BAZ2B: variants seen among roughly 807,000 people sequenced by gnomAD.
The protein encoded by BAZ2B is bromodomain adjacent to zinc finger domain 2B.
In BAZ2B, 91 loss-of-function variants were observed where a neutral mutation model predicts 246.0. That is an observed-to-expected ratio of 0.37 (90% CI 0.31 to 0.44). The LOEUF (loss-of-function observed/expected upper bound fraction) is 0.44, where lower values mean the gene tolerates loss of function less well. Among genes scored for constraint, BAZ2B ranks in the 20% least tolerant of loss-of-function variants. The probability of loss-of-function intolerance (pLI) is 1.00; values close to 1 mark genes in which losing one functional copy is unlikely to be tolerated. For synonymous variants in BAZ2B, 855 were observed against 860.0 expected (o/e 0.99, Z 0.10); for missense variants, 2,332 against 2,533.7 (o/e 0.92, Z 1.71).
At position 159,433,046 on chromosome 2, in the gene BAZ2B, C is replaced by T. The variant is rs1453159398; in HGVS notation, c.1611G>A (p.Leu537=). The part of the protein sequence containing the change: ...SSTPFSSPVN[L]STSGRRTPGN... ...CAGGGGTTCTTCTCCCACTTGTACT[C>T]AGATTTACAGGTGAGGAAAAAGGGG... Residue 537 remains leucine (L), a synonymous_variant, in exon 9 of 37, where the codon CTG becomes CTA. Transcript: ENST00000392783. The T allele has an allele frequency of 3.0e-5, 48 of 1,614,050 alleles. No individual in the cohort carries two copies. The highest frequency in any genetic ancestry group is 3.9e-5 in the Non-Finnish European group (46 of 1,180,036).
chr2:159,708,919 A>G, the BAZ2B span, among the ~76,000 whole-genome samples: 9 of 152,284 alleles, frequency 5.9e-5, no homozygotes, highest in African/African-American at 2.2e-4. Flanking sequence ...CTAATCCAGT[A>G]GAAGTCAACC....
At chr2:159,539,052 C>T (rs999147233) in intron 2 of BAZ2B, among the ~76,000 whole-genome samples, 2 of 152,178 alleles carry the variant, frequency 1.3e-5, no homozygotes, top group East Asian at 1.9e-4. Flanking sequence ...TGCTTCAAAA[C>T]GCAGGGGGCG....
chr2:159,529,252 C>T (rs1187915253), intron 2 of BAZ2B, among the ~76,000 whole-genome samples: 1 of 151,846 alleles, frequency 6.6e-6, no homozygotes, highest in Non-Finnish European at 1.5e-5. Context: ...ACCAAAACTA[C>T]TTTGGGTACC....
At chr2:159,686,202 G>T in the BAZ2B span, among the ~76,000 whole-genome samples, 2 of 152,068 alleles carry the variant, frequency 1.3e-5, no homozygotes, top group Non-Finnish European at 2.9e-5. Context: ...GGAGTTCAAG[G>T]CTACATTGAG....
At chr2:159,326,228 G>A (rs2063696546) in intron 34 of BAZ2B, among the ~76,000 whole-genome samples, 1 of 152,096 alleles carries the variant, frequency 6.6e-6, no homozygotes, top group Non-Finnish European at 1.5e-5. Flanking sequence ...ACTTGAATGA[G>A]TTTAAAGATA....
In BAZ2B at chr2:159,438,663, T is replaced by C. The variant is rs758714004; in HGVS notation, c.933A>G (p.Ala311=). ...VLLHGISDPK[A]DGQKATEKAQ... ...CTTTTTCAGTTGCTTTCTGTCCATC[T>C]GCTTTTGGGTCTGAAATACCATGTA... Residue 311 remains alanine, a synonymous_variant, in exon 8 of 37, where the codon GCA becomes GCG. Transcript: ENST00000392783. 4 of 1,610,206 alleles carry C rather than the reference T, an allele frequency of 2.5e-6. No homozygotes were observed. The South Asian group carries it at 4.4e-5, about 18-fold the overall frequency.
intron 20 of BAZ2B, among the ~76,000 whole-genome samples, chr2:159,392,366 G>A (rs189431540): frequency 2.0e-5 from 3 of 150,216 alleles, no homozygotes; most frequent in Admixed American, 1.3e-4. Context: ...TTTTTTTATC[G>A]TTCCCACAAC....
At chr2:159,370,139 G>A (rs1048486787) in intron 27 of BAZ2B, among the ~76,000 whole-genome samples, 1 of 152,098 alleles carries the variant, frequency 6.6e-6, no homozygotes, top group Non-Finnish European at 1.5e-5. Context: ...TTGGACACAG[G>A]AAGGGGAACA....
intron 2 of BAZ2B, among the ~76,000 whole-genome samples, chr2:159,534,734 G>A (rs1055373033): frequency 7.2e-5 from 11 of 151,902 alleles, no homozygotes; most frequent in African/African-American, 1.7e-4. Context: ...AGCCTCCCGC[G>A]TAGCTGGGAC....
the BAZ2B span, among the ~76,000 whole-genome samples, chr2:159,704,880 T>C: frequency 1.3e-5 from 2 of 151,812 alleles, no homozygotes; most frequent in Non-Finnish European, 2.9e-5. Context: ...TTTTTTGTAT[T>C]TTTAATAGAG....
rs1575883994 is a variant in BAZ2B at position 159,349,139 on chromosome 2, A to G, written c.5005T>C (p.Leu1669=). 2 of 1,614,104 alleles carry G rather than the reference A, an allele frequency of 1.2e-6. No individual in the cohort carries two copies. Among genetic ancestry groups the G allele is most frequent in the Non-Finnish European group, 1.7e-6 (2 of 1,179,994 alleles). Reference sequence around the variant, plus strand: ...TTACTTGAAGCAACATTGGAAGTCAAGAATGAATTACCATTTCCTTCTGAT... The same window carrying G: ...TTACTTGAAGCAACATTGGAAGTCAGGAATGAATTACCATTTCCTTCTGAT... The part of the protein sequence containing the change: ...GLSEGNGNSF[L]TSNVASSKSE... Residue 1669 remains leucine, a synonymous_variant, in exon 29 of 37, where the codon TTG becomes CTG. Transcript: ENST00000392783.
chr2:159,667,551 G>A, the BAZ2B span, among the ~76,000 whole-genome samples: 3 of 151,840 alleles, frequency 2.0e-5, no homozygotes, highest in African/African-American at 7.3e-5. Flanking sequence ...AGGTAAGATT[G>A]TGCCACTGCA....
At chr2:159,412,251 T>C (rs2066940879) in intron 14 of BAZ2B, 84 bp downstream of exon 14, 14 of 1,382,488 alleles carry the variant, frequency 1.0e-5, no homozygotes, top group Admixed American at 1.9e-5. Context: ...GAGAGCAGTG[T>C]CAATCCTAAG....
chr2:159,490,325 A>C (rs1234418982), intron 2 of BAZ2B, among the ~76,000 whole-genome samples: 4 of 152,190 alleles, frequency 2.6e-5, no homozygotes, highest in Non-Finnish European at 5.9e-5. Context: ...TTTAAACAAA[A>C]TTTTATAATG....
intron 3 of BAZ2B, among the ~76,000 whole-genome samples, chr2:159,475,889 T>C (rs1255361599): frequency 1.3e-5 from 2 of 152,144 alleles, no homozygotes; most frequent in Non-Finnish European, 2.9e-5. Flanking sequence ...ACAGCAAAGA[T>C]TGCTGCCTGT....
intron 12 of BAZ2B, 84 bp from the exon 13 acceptor site, chr2:159,428,126 G>T: frequency 7.6e-7 from 1 of 1,310,340 alleles, no homozygotes; most frequent in Non-Finnish European, 1.1e-6. Flanking sequence ...GGACACTAAT[G>T]TTTTGCATAT....
chr2:159,686,422 C>A, the BAZ2B span, among the ~76,000 whole-genome samples: 1 of 152,156 alleles, frequency 6.6e-6, no homozygotes, highest in Admixed American at 6.5e-5. Context: ...TAACCCCACT[C>A]CAATCATGAG....
chr2:159,392,406 T>C (rs1002787487), intron 20 of BAZ2B, among the ~76,000 whole-genome samples: 10 of 152,180 alleles, frequency 6.6e-5, no homozygotes, highest in African/African-American at 2.4e-4. Flanking sequence ...CTTCTTGTTT[T>C]TGAGCTTCCA....
At chr2:159,352,931 G>A (rs2058712234) in intron 27 of BAZ2B, among the ~76,000 whole-genome samples, 1 of 152,180 alleles carries the variant, frequency 6.6e-6, no homozygotes, top group African/African-American at 2.4e-5. Flanking sequence ...CTTGAGCCCA[G>A]GAGTTTGAGT....
Sources: allele counts gnomAD v4.1 joint callset (sites outside exome capture counted in the v4.1 genomes callset), GRCh38; gene constraint gnomAD v4.1.1; transcripts MANE v1.5; gene names NCBI Gene and HGNC (gene_info 2026-07-23, HGNC 2026-07-21).